PKD1: variants seen among roughly 807,000 people sequenced by gnomAD.
The protein encoded by PKD1 is polycystin-1.
In PKD1, 81 loss-of-function variants were observed where a neutral mutation model predicts 361.7. The observed-to-expected ratio is 0.22, with a 90% confidence interval of 0.19 to 0.27. The LOEUF (loss-of-function observed/expected upper bound fraction) is 0.27, where lower values mean the gene tolerates loss of function less well. PKD1 is among the 10% of genes least tolerant of loss of function. The pLI is 1.00. For missense variants in PKD1, 6,399 were observed against 6,118.3 expected (o/e 1.05, Z -1.53); for synonymous variants, 3,615 against 2,818.3 (o/e 1.28, Z -8.95).
intron 33 of PKD1, 32 bp downstream of exon 33, chr16:2,097,286 GC>G: frequency 6.2e-7 from 1 of 1,610,026 alleles, no homozygotes; most frequent in Non-Finnish European, 8.5e-7. Flanking sequence ...GCAAGGGTGA[GC>G]TTCAGAGCCC....
Position 2,105,248 on chromosome 16 carries a change from C to T in PKD1, c.8016+74G>A, listed in dbSNP as rs1434588565. 7 of 1,500,362 alleles carry T rather than the reference C, an allele frequency of 4.7e-6. No individual in the cohort carries two copies. In the South Asian group the frequency reaches 6.9e-5, roughly 15 times the overall value. 92.9% of individuals were successfully genotyped at this position (1,500,362 alleles called of 1,614,324 possible). Reference sequence around the variant, plus strand: ...GGCTCAGCTCCTCGGCCAAGCTGCCCGTCTGCCCTGGGGGGCTGAACCCAG... The same window carrying T: ...GGCTCAGCTCCTCGGCCAAGCTGCCTGTCTGCCCTGGGGGGCTGAACCCAG... On this transcript the variant is annotated intron_variant, in intron 21 of 45. Transcript: ENST00000262304.
Position 2,107,953 on chromosome 16 carries a change from G to C in PKD1, c.6995C>G (p.Ala2332Gly). 1 of 1,546,556 alleles carries C rather than the reference G, an allele frequency of 6.5e-7. No individual in the cohort carries two copies. Among genetic ancestry groups the C allele is most frequent in the Non-Finnish European group, 8.7e-7 (1 of 1,146,786 alleles). The change falls in exon 16 of 46, where the codon GCT (alanine) becomes GGT (glycine). Residue 2332 changes from alanine to glycine, a missense_variant. Coordinates refer to ENST00000262304, the MANE Select transcript of PKD1 (RefSeq NM_001009944.3). ...TVTIPRERLA[A>G]GVEYTFSLTV... ...CAGGCTGAAGGTGTACTCCACGCCA[G>C]CCGCCAGCCGCTCCCGTGGAATGGT...
intron 1 of PKD1, among the ~76,000 whole-genome samples, chr16:2,121,158 G>A (rs1490771976): frequency 6.6e-6 from 1 of 152,102 alleles, no homozygotes; most frequent in Non-Finnish European, 1.5e-5. Flanking sequence ...CTGAGGTCAG[G>A]AGTTCAAGAC....
chr16:2,126,163 G>C (rs1303117769), intron 1 of PKD1, among the ~76,000 whole-genome samples: 1 of 152,250 alleles, frequency 6.6e-6, no homozygotes, highest in African/African-American at 2.4e-5. Context: ...CCTGAGGCCA[G>C]GGCCACGATG....
intron 1 of PKD1, among the ~76,000 whole-genome samples, chr16:2,123,830 A>G (rs556836164): frequency 6.6e-6 from 1 of 152,326 alleles, no homozygotes; most frequent in African/African-American, 2.4e-5. Flanking sequence ...CCAGGTGCAC[A>G]GGGACAGCCT....
Position 2,091,101 on chromosome 16 carries a change from C to A in PKD1, c.11786G>T (p.Arg3929Leu). The change falls in exon 43 of 46, where the codon CGC becomes CTC. Residue 3929 changes from arginine (R) to leucine (L), a missense_variant. Transcript: ENST00000262304. ...ARTWHREGRWRVLRLGAWARW... is the reference protein window; with the variant it reads ...ARTWHREGRWLVLRLGAWARW... ...CGCCCAGGCTCCGAGCCGCAGCACGCGCCAGCGCCCTTCCCTGTGCCAAGT... is the reference window on the plus strand; with the variant it reads ...CGCCCAGGCTCCGAGCCGCAGCACGAGCCAGCGCCCTTCCCTGTGCCAAGT... The A allele has an allele frequency of 6.7e-7, 1 of 1,495,682 alleles. No individual in the cohort carries two copies. Among genetic ancestry groups the A allele is most frequent in the East Asian group, 2.7e-5 (1 of 36,754 alleles). 92.7% of individuals were successfully genotyped at this position (1,495,682 alleles called of 1,614,324 possible). A position where few individuals can be genotyped will look rare whatever the true frequency, so the allele number is the denominator to read the frequency against.
chr16:2,107,308 C>T (rs2092374392), intron 16 of PKD1: 7 of 390,434 alleles, frequency 1.8e-5, no homozygotes, highest in South Asian at 8.6e-5. Flanking sequence ...CAGACTCCTG[C>T]AGCCCTTAGC....
Position 2,106,985 on chromosome 16 carries a change from A to G in PKD1, c.7066-37T>C, listed in dbSNP as rs756622819. On this transcript the variant is annotated intron_variant, in intron 16 of 45. Transcript: ENST00000262304. The surrounding 1 kb of genome is among the most constrained non-coding windows in gnomAD (Gnocchi z 6.5). Reference sequence around the variant, plus strand: ...GTGGGGTTACCTCCAACACAGGTCTATTTGGCCTGCTGGAAGGACTGGGGG... The same window carrying G: ...GTGGGGTTACCTCCAACACAGGTCTGTTTGGCCTGCTGGAAGGACTGGGGG... 6 of 1,574,270 alleles carry G rather than the reference A, an allele frequency of 3.8e-6. No individual in the cohort carries two copies. The highest frequency in any genetic ancestry group is 2.2e-5 in the East Asian group (1 of 44,768).
At chr16:2,127,169 G>A (rs1253218181) in intron 1 of PKD1, among the ~76,000 whole-genome samples, 1 of 152,200 alleles carries the variant, frequency 6.6e-6, no homozygotes, top group Non-Finnish European at 1.5e-5. Flanking sequence ...CCACCTAACA[G>A]CAAGAATGCA....
intron 34 of PKD1, among the ~76,000 whole-genome samples, chr16:2,095,607 G>A (rs2091813825): frequency 6.6e-6 from 1 of 152,204 alleles, no homozygotes; most frequent in South Asian, 2.1e-4. Flanking sequence ...CGCAGGGAAG[G>A]CCGTGCTCTG....
chr16:2,115,872 T>C lies in PKD1; in HGVS notation c.1849+120A>G, dbSNP rs191691784. 1.6e-3 allele frequency: 1,878 copies of C among 1,197,936 alleles called. 29 individuals are homozygous for C. The East Asian group carries it at 0.038, about 24-fold the overall frequency. The allele number at this position is 1,197,936 out of a possible 1,614,324, so 74.2% of individuals were successfully genotyped here. A position where few individuals can be genotyped will look rare whatever the true frequency, so the allele number is the denominator to read the frequency against. ...GCTGGTGTCTCTGGAACCCCTGCTC[T>C]GTCCACCTAAGACTGGGAACCACTC... On this transcript the variant is annotated intron_variant, in intron 9 of 45. Transcript: ENST00000262304.
chr16:2,093,479 G>T, intron 37 of PKD1, 65 bp downstream of exon 37: 1 of 1,430,344 alleles, frequency 7.0e-7, no homozygotes, highest in Non-Finnish European at 9.6e-7. Flanking sequence ...TGTCCTGCGT[G>T]CATGGGTGGG....
chr16:2,113,383 G>A, intron 11 of PKD1, 91 bp from the exon 12 acceptor site: 1 of 1,234,002 alleles, frequency 8.1e-7, no homozygotes, highest in East Asian at 2.3e-5. Context: ...GGGCTGGAGA[G>A]TCCCACGCGG....
At chr16:2,093,507 C>CG (rs747768042) in intron 37 of PKD1, 37 bp downstream of exon 37, 1 of 1,560,700 alleles carries the variant, frequency 6.4e-7, no homozygotes, top group Admixed American at 1.8e-5. Flanking sequence ...AGACAAGAGA[C>CG]GGAGGTGGCA....
Position 2,107,969 on chromosome 16 carries a change from G to T in PKD1, c.6979C>A (p.Arg2327=). ...TCCACGCCAGCCGCCAGCCGCTCCC[G>T]TGGAATGGTGACCGTGCTGCTCCCG... is the stretch of plus-strand genomic sequence containing the variant. The part of the protein sequence containing the change: ...PRGSSTVTIP[R]ERLAAGVEYT... The change falls in exon 16 of 46, where the codon CGG becomes AGG. Residue 2327 remains arginine, a synonymous_variant. Transcript: ENST00000262304. 1 of 1,548,454 alleles carries T rather than the reference G, an allele frequency of 6.5e-7. No individual in the cohort carries two copies.
In PKD1 at chr16:2,093,607, G is replaced by A. The variant is rs111672772; in HGVS notation, c.10953C>T (p.Gly3651=). 6.2e-7 allele frequency: 1 copy of A among 1,609,162 alleles called. No individual in the cohort carries two copies. Among genetic ancestry groups the A allele is most frequent in the African/African-American group, 1.3e-5 (1 of 74,878 alleles). Residue 3651 remains glycine, a synonymous_variant, in exon 37 of 46, where the codon GGC becomes GGT. Transcript: ENST00000262304. ...CTTCCTTGGCCAGGAAGAGTGCAAA[G>A]CCGTGGGGTGGCCGTACGCGGGGCA... The part of the protein sequence containing the change: ...ARVPRVRPPH[G]FALFLAKEEA...
chr16:2,114,948 G>C, intron 10 of PKD1, 23 bp from the exon 11 acceptor site: 2 of 1,526,172 alleles, frequency 1.3e-6, no homozygotes, highest in South Asian at 1.2e-5. Context: ...AGGCAGGGCT[G>C]CATCACGTCC....
At chr16:2,097,100 C>T (rs564023989) in intron 34 of PKD1, 48 bp downstream of exon 34, 47 of 1,434,512 alleles carry the variant, frequency 3.3e-5, no homozygotes, top group South Asian at 1.7e-4. Flanking sequence ...GCCTGAGTCC[C>T]GGCCCCTCCT....
At chr16:2,123,920 G>A (rs1336618641) in intron 1 of PKD1, among the ~76,000 whole-genome samples, 2 of 152,202 alleles carry the variant, frequency 1.3e-5, no homozygotes, top group Non-Finnish European at 2.9e-5. Flanking sequence ...CCCATGGGGG[G>A]CAGGACGGTG....
Sources: gnomAD v4.1 joint callset for allele counts (sites outside exome capture counted in the v4.1 genomes callset) on GRCh38, gnomAD v4.1.1 for gene constraint, Gnocchi (gnomAD v3.1) non-coding constraint, MANE v1.5 for transcripts, NCBI Gene and HGNC (gene_info 2026-07-23, HGNC 2026-07-21) for gene names.